The following LRP6 variants were observed in gnomAD, a reference collection of about 807,000 sequenced individuals.
LRP6 encodes the protein low-density lipoprotein receptor-related protein 6.
A neutral mutation model predicts 184.1 loss-of-function variants in LRP6; 43 were observed. That is an observed-to-expected ratio of 0.23 (90% CI 0.18 to 0.30). LRP6 has a LOEUF of 0.30. Among genes scored for constraint, LRP6 ranks in the 10% least tolerant of loss-of-function variants. The pLI is 1.00. For synonymous variants in LRP6, 719 were observed against 684.9 expected (o/e 1.05, Z -0.78); for missense variants, 1,571 against 2,005.3 (o/e 0.78, Z 4.14).
chr12:12,265,774 T>A (rs1343594423), intron 1 of LRP6, among the ~76,000 whole-genome samples: 1 of 152,226 alleles, frequency 6.6e-6, no homozygotes, highest in Non-Finnish European at 1.5e-5. Flanking sequence ...CTTTGTGAAC[T>A]GTCACAAAAG....
At chr12:12,258,493 G>A (rs1865528006) in intron 1 of LRP6, among the ~76,000 whole-genome samples, 1 of 152,116 alleles carries the variant, frequency 6.6e-6, no homozygotes, top group African/African-American at 2.4e-5. Context: ...CCAAATAAAT[G>A]TCATAAAAAT....
intron 12 of LRP6, among the ~76,000 whole-genome samples, chr12:12,156,594 G>T (rs930482402): frequency 1.3e-5 from 2 of 152,152 alleles, no homozygotes; most frequent in Non-Finnish European, 2.9e-5. Flanking sequence ...TTCCATTCAC[G>T]TTTTAATGTA....
At chr12:12,129,759 C>T (rs192564549) in intron 19 of LRP6, among the ~76,000 whole-genome samples, 281 of 152,134 alleles carry the variant, frequency 1.8e-3, no homozygotes, top group African/African-American at 5.9e-3. Context: ...CACATGTTGG[C>T]CAGGCTGGTC....
intron 3 of LRP6, among the ~76,000 whole-genome samples, chr12:12,190,838 G>A (rs996910572): frequency 3.3e-5 from 5 of 152,190 alleles, no homozygotes; most frequent in Non-Finnish European, 5.9e-5. Context: ...AGAAGACAAT[G>A]TCAGCAGTGA....
At chr12:12,230,938 T>G (rs1258800186) in intron 2 of LRP6, among the ~76,000 whole-genome samples, 2 of 151,942 alleles carry the variant, frequency 1.3e-5, no homozygotes, top group Non-Finnish European at 2.9e-5. Flanking sequence ...ATCCCAGCAC[T>G]TTGGGAAGCC....
chr12:12,239,801 G>A (rs1162581398), intron 2 of LRP6, among the ~76,000 whole-genome samples: 1 of 151,062 alleles, frequency 6.6e-6, no homozygotes, highest in African/African-American at 2.4e-5. Context: ...AAAAAGCAAA[G>A]CTATTAAAAT....
Position 12,181,300 on chromosome 12 carries a change from G to C in LRP6, c.1116C>G (p.Gly372=). The C allele has an allele frequency of 6.2e-7, 1 of 1,614,118 alleles. No homozygotes were observed. Among genetic ancestry groups the C allele is most frequent in the Non-Finnish European group, 8.5e-7 (1 of 1,180,006 alleles). Residue 372 remains glycine, a synonymous_variant, in exon 6 of 23, where the codon GGC becomes GGG. Transcript: ENST00000261349. ...AIAIDYDPVE[G]YIYWTDDEVR... ...CTTCATCATCAGTCCAGTAGATGTAGCCTTCCACAGGATCGTAATCTATGG... is the reference window on the plus strand; with the variant it reads ...CTTCATCATCAGTCCAGTAGATGTACCCTTCCACAGGATCGTAATCTATGG...
chr12:12,186,974 T>G lies in LRP6; in HGVS notation c.793A>C (p.Ile265Leu). The G allele has an allele frequency of 6.2e-7, 1 of 1,614,106 alleles. No individual in the cohort carries two copies. Among genetic ancestry groups the G allele is most frequent in the Non-Finnish European group, 8.5e-7 (1 of 1,180,010 alleles). The stretch of plus-strand genomic sequence containing the variant: ...GCATGTATATCCATGGGAGAGAAGA[T>G]GTCAGAATGGATTTCACGCAGACCC... ...GEGLREIHSD[I>L]FSPMDIHAFS... Residue 265 changes from isoleucine to leucine, a missense_variant, in exon 4 of 23, where the codon ATC (isoleucine) becomes CTC (leucine). Transcript: ENST00000261349.
intron 3 of LRP6, among the ~76,000 whole-genome samples, chr12:12,199,176 T>C (rs1399259630): frequency 7.2e-5 from 11 of 151,968 alleles, no homozygotes; most frequent in African/African-American, 2.4e-4. Context: ...TTCAGTTATA[T>C]ACACTGAATT....
At chr12:12,130,621 T>C (rs1479721374) in intron 19 of LRP6, among the ~76,000 whole-genome samples, 162 bp downstream of exon 19, 1 of 152,202 alleles carries the variant, frequency 6.6e-6, no homozygotes, top group Non-Finnish European at 1.5e-5. Context: ...GTTTAAAGAA[T>C]TACTGAAAGC....
At chr12:12,260,491 C>A (rs1050418205) in intron 1 of LRP6, among the ~76,000 whole-genome samples, 4 of 151,700 alleles carry the variant, frequency 2.6e-5, no homozygotes, top group African/African-American at 7.3e-5. Flanking sequence ...GCAGAAGAAT[C>A]AAAAAAAATT....
In LRP6 at chr12:12,229,378, AAAAAAAAAAGAAGAAG is replaced by A. The variant is rs1368687358; in HGVS notation, c.449+14868_449+14883del. On this transcript the variant is annotated intron_variant, in intron 2 of 22. Transcript: ENST00000261349. ...GAAGTGAAACTCCATTTCAAAAAAA[AAAAAAAAAAGAAGAAG>A]AAGAAGAATATCTCACACTGAGACT... 2.2e-4 allele frequency among the ~76,000 whole-genome samples: 29 copies of A among 130,182 alleles called. 1 individual carries two copies. The East Asian group carries it at 6.3e-3, about 28-fold the overall frequency. The allele number at this position is 130,182 out of a possible 152,430, so 85.4% of individuals were successfully genotyped here. A position where few individuals can be genotyped will look rare whatever the true frequency, so the allele number is the denominator to read the frequency against.
chr12:12,159,383 A>G (rs1591898771), intron 11 of LRP6, among the ~76,000 whole-genome samples: 1 of 152,260 alleles, frequency 6.6e-6, no homozygotes, highest in East Asian at 1.9e-4. Flanking sequence ...TCCTGCTACA[A>G]ATCACTCAGT....
intron 1 of LRP6, among the ~76,000 whole-genome samples, chr12:12,257,750 C>T (rs61920859): frequency 0.42 from 50,401 of 120,642 alleles, 11,968 homozygotes; most frequent in East Asian, 0.71. Flanking sequence ...CGAGACCAGT[C>T]TGAGCAACAT....
intron 12 of LRP6, among the ~76,000 whole-genome samples, chr12:12,152,090 C>T (rs975763158): frequency 2.6e-5 from 4 of 151,984 alleles, no homozygotes; most frequent in African/African-American, 4.8e-5. Context: ...GACCCAGGGG[C>T]GGGTAATTGA....
At chr12:12,210,082 G>A (rs926000844) in intron 2 of LRP6, among the ~76,000 whole-genome samples, 3 of 152,122 alleles carry the variant, frequency 2.0e-5, no homozygotes, top group Non-Finnish European at 4.4e-5. Context: ...ATATCGTGAG[G>A]TACATTGACA....
At chr12:12,156,993 G>C (rs1212847345) in intron 12 of LRP6, among the ~76,000 whole-genome samples, 2 of 152,206 alleles carry the variant, frequency 1.3e-5, no homozygotes, top group Non-Finnish European at 2.9e-5. Context: ...TGTATTGCCT[G>C]AGGCTGCTCT....
intron 7 of LRP6, among the ~76,000 whole-genome samples, chr12:12,166,358 T>A (rs377575505): frequency 6.6e-6 from 1 of 152,140 alleles, no homozygotes; most frequent in Non-Finnish European, 1.5e-5. Context: ...ATCTAAAAGG[T>A]CATATACTTA....
chr12:12,164,401 T>C lies in LRP6; in HGVS notation c.1924A>G (p.Ile642Val), dbSNP rs757534159. Residue 642 changes from isoleucine (I) to valine (V), a missense_variant, in exon 9 of 23, where the codon ATC (isoleucine) becomes GTC (valine). Coordinates refer to ENST00000261349, the MANE Select transcript of LRP6 (RefSeq NM_002336.3). ...TTTGTTTCCAGAGAAATTCGTCTGA[T>C]ATCTGCTCTCCGTGAAAACAAAAGG... is the stretch of plus-strand genomic sequence containing the variant. ...AFLLFSRRAD[I>V]RRISLETNNN... The C allele has an allele frequency of 1.2e-6, 2 of 1,614,178 alleles. No individual in the cohort carries two copies. The highest frequency in any genetic ancestry group is 1.7e-6 in the Non-Finnish European group (2 of 1,180,040).
Sources: gnomAD v4.1 joint callset for allele counts (sites outside exome capture counted in the v4.1 genomes callset) on GRCh38, gnomAD v4.1.1 for gene constraint, MANE v1.5 for transcripts, NCBI Gene and HGNC (gene_info 2026-07-23, HGNC 2026-07-21) for gene names.